The following TMPO variants were observed in gnomAD, a reference collection of about 807,000 sequenced individuals.
The protein encoded by TMPO is thymopoietin, also known as LEM domain containing 4.
Under a neutral mutation model 45.4 loss-of-function variants are expected in TMPO, and 22 were observed. The ratio of observed to expected loss-of-function variants is 0.48; its 90% CI spans 0.35 to 0.69. TMPO has a LOEUF of 0.69. Among genes scored for constraint, TMPO ranks in the 30% least tolerant of loss-of-function variants. The pLI is 0.01. For synonymous variants in TMPO, 241 were observed against 204.1 expected, an observed-to-expected ratio of 1.18 and a Z score of -1.54; for missense variants, 512 against 548.8, an observed-to-expected ratio of 0.93 and a Z score of 0.67.
intron 4 of TMPO, among the ~76,000 whole-genome samples, chr12:98,538,801 T>C (rs1877726941): frequency 6.6e-6 from 1 of 152,206 alleles, no homozygotes; most frequent in African/African-American, 2.4e-5. Context: ...ATACAGAGCA[T>C]TGAATGAATG....
chr12:98,546,391 A>G lies in TMPO; in HGVS notation c.1023A>G (p.Glu341=), dbSNP rs753802435. 6.2e-6 allele frequency: 10 copies of G among 1,612,850 alleles called. No homozygotes were observed. In the East Asian group the frequency reaches 2.0e-4, roughly 32 times the overall value. ...AAAAAACAGAGGAAAGAAGAGTAGA[A>G]AGGGATATTCTTAAGGAAATGTTCC... ...VGEKTEERRV[E]RDILKEMFPY... Residue 341 remains glutamate (E), a synonymous_variant, in exon 8 of 9, where the codon GAA becomes GAG. Transcript: ENST00000556029.
At chr12:98,516,855 G>C (rs1189038288) in intron 1 of TMPO, among the ~76,000 whole-genome samples, 1 of 152,134 alleles carries the variant, frequency 6.6e-6, no homozygotes, top group Admixed American at 6.5e-5. Flanking sequence ...TGTTGCCCAG[G>C]CTGGAGTGCA....
intron 2 of TMPO, 26 bp downstream of exon 2, chr12:98,528,038 G>A (rs770199508): frequency 5.6e-6 from 9 of 1,613,344 alleles, no homozygotes; most frequent in Non-Finnish European, 6.8e-6. Context: ...TTCAAATACA[G>A]TATCTTTTCT....
At chr12:98,537,447 G>A (rs774144511) in intron 3 of TMPO, 28 bp from the exon 4 acceptor site, 2 of 1,535,344 alleles carry the variant, frequency 1.3e-6, no homozygotes, top group Admixed American at 1.7e-5. Flanking sequence ...GTTTCAGAGA[G>A]TAATGGTTTC....
chr12:98,516,191 T>G, intron 1 of TMPO, 45 bp downstream of exon 1: 1 of 1,321,222 alleles, frequency 7.6e-7, no homozygotes, highest in Non-Finnish European at 9.6e-7. Flanking sequence ...GTTTGGCGGT[T>G]GCCGCGCGCG....
At chr12:98,526,397 G>A (rs948958888) in intron 1 of TMPO, among the ~76,000 whole-genome samples, 1 of 152,176 alleles carries the variant, frequency 6.6e-6, no homozygotes, top group African/African-American at 2.4e-5. Flanking sequence ...ATATAAAGTG[G>A]TGTAGTAACC....
At position 98,515,611 on chromosome 12, in the gene TMPO, G is replaced by T. The variant is rs893763366; in HGVS notation, c.-257G>T. Reference sequence around the variant, plus strand: ...GGGCGAAGCAGGCTGCTCGCCTCCTGCCTGTAGTGTGTGGGCTGGGGTTGG... The same window carrying T: ...GGGCGAAGCAGGCTGCTCGCCTCCTTCCTGTAGTGTGTGGGCTGGGGTTGG... On this transcript the variant is annotated 5_prime_UTR_variant, in exon 1 of 9. Transcript: ENST00000556029. 1.1e-5 allele frequency: 7 copies of T among 636,510 alleles called. No individual in the cohort carries two copies. The highest frequency in any genetic ancestry group is 3.9e-5 in the South Asian group (2 of 51,254). The allele number at this position is 636,510 out of a possible 1,614,324, so 39.4% of individuals were successfully genotyped here. A position where few individuals can be genotyped will look rare whatever the true frequency, so the allele number is the denominator to read the frequency against.
intron 1 of TMPO, among the ~76,000 whole-genome samples, chr12:98,520,121 G>A (rs1453377663): frequency 1.3e-5 from 2 of 150,668 alleles, no homozygotes; most frequent in East Asian, 2.0e-4. Flanking sequence ...CACTGCGCCC[G>A]GCTAATTTTT....
In TMPO at chr12:98,515,596, G is replaced by A; in HGVS notation, c.-272G>A. On this transcript the variant is annotated 5_prime_UTR_variant, in exon 1 of 9. Transcript: ENST00000556029. ...GCGTTCTTGGGGCGTGGGCGAAGCAGGCTGCTCGCCTCCTGCCTGTAGTGT... is the reference window on the plus strand; with the variant it reads ...GCGTTCTTGGGGCGTGGGCGAAGCAAGCTGCTCGCCTCCTGCCTGTAGTGT... 2 of 537,496 alleles carry A rather than the reference G, an allele frequency of 3.7e-6. No individual in the cohort carries two copies. Among genetic ancestry groups the A allele is most frequent in the South Asian group, 5.0e-5 (2 of 39,918 alleles). The allele number at this position is 537,496 out of a possible 1,614,324, so 33.3% of individuals were successfully genotyped here.
chr12:98,549,757 T>G lies in TMPO; in HGVS notation c.*1899T>G, dbSNP rs1159294579. ...GACCAGCACACAATTTTGATTTCAA[T>G]TAGCCTTATTCTAATATTTAGCTTT... On this transcript the variant is annotated 3_prime_UTR_variant, in exon 9 of 9. Coordinates refer to ENST00000556029, the MANE Select transcript of TMPO (RefSeq NM_001032283.3). The G allele has an allele frequency of 6.6e-6, 1 of 152,256 alleles. No individual in the cohort carries two copies. Among genetic ancestry groups the G allele is most frequent in the Non-Finnish European group, 1.5e-5 (1 of 68,040 alleles). 9.4% of individuals were successfully genotyped at this position (152,256 alleles called of 1,614,324 possible). A position where few individuals can be genotyped will look rare whatever the true frequency, so the allele number is the denominator to read the frequency against.
At chr12:98,545,767 C>T (rs1009239968) in intron 7 of TMPO, among the ~76,000 whole-genome samples, 1 of 151,510 alleles carries the variant, frequency 6.6e-6, no homozygotes, top group East Asian at 1.9e-4. Flanking sequence ...GAGTCTTGCT[C>T]TGTTGCCCAG....
intron 6 of TMPO, 82 bp downstream of exon 6, chr12:98,544,619 G>T (rs1437293401): frequency 1.1e-5 from 13 of 1,162,146 alleles, no homozygotes; most frequent in Admixed American, 4.6e-5. Context: ...GTGAATTTTG[G>T]CAAATCTCAA....
In TMPO at chr12:98,550,139, C is replaced by A. The variant is rs1233963525; in HGVS notation, c.*2281C>A. On this transcript the variant is annotated 3_prime_UTR_variant, in exon 9 of 9. Transcript: ENST00000556029. ...ATGGTCCAAATAGCAAAAATAGGACCAGGTGAAACATGTAGTCATTTTTTA... is the reference window on the plus strand; with the variant it reads ...ATGGTCCAAATAGCAAAAATAGGACAAGGTGAAACATGTAGTCATTTTTTA... 1.3e-5 allele frequency: 2 copies of A among 152,056 alleles called. No homozygotes were observed. Among genetic ancestry groups the A allele is most frequent in the Non-Finnish European group, 2.9e-5 (2 of 68,016 alleles). The allele number at this position is 152,056 out of a possible 1,614,324, so 9.4% of individuals were successfully genotyped here.
chr12:98,536,227 A>T (rs1462964662), intron 3 of TMPO, among the ~76,000 whole-genome samples: 1 of 152,232 alleles, frequency 6.6e-6, no homozygotes, highest in Admixed American at 6.5e-5. Flanking sequence ...GTTCATGTAA[A>T]ACTTTAGAAT....
chr12:98,519,659 C>T (rs1030374256), intron 1 of TMPO, among the ~76,000 whole-genome samples: 1 of 152,174 alleles, frequency 6.6e-6, no homozygotes, highest in Non-Finnish European at 1.5e-5. Context: ...GAGGTGTTTA[C>T]CCTTGACTGA....
At chr12:98,518,121 G>A (rs1876023206) in intron 1 of TMPO, among the ~76,000 whole-genome samples, 1 of 150,988 alleles carries the variant, frequency 6.6e-6, no homozygotes, top group Admixed American at 6.6e-5. Flanking sequence ...CTCCAGCCTG[G>A]GGGACAAGAG....
intron 1 of TMPO, among the ~76,000 whole-genome samples, chr12:98,517,329 T>C (rs908053354): frequency 2.0e-5 from 3 of 152,220 alleles, no homozygotes; most frequent in African/African-American, 7.2e-5. Context: ...TTTTTACCTG[T>C]GGATTTTAAT....
chr12:98,527,713 C>G (rs1876883562), intron 1 of TMPO, 173 bp from the exon 2 acceptor site: 3 of 668,408 alleles, frequency 4.5e-6, no homozygotes, highest in Non-Finnish European at 5.1e-6. Context: ...TACAGTTCAA[C>G]TTAGAAAGTG....
At chr12:98,544,869 A>G in intron 6 of TMPO, 82 bp from the exon 7 acceptor site, 1 of 1,148,894 alleles carries the variant, frequency 8.7e-7, no homozygotes, top group Non-Finnish European at 1.3e-6. Flanking sequence ...AATATTACAG[A>G]GATAAAATAT....
Sources: allele counts gnomAD v4.1 joint callset (sites outside exome capture counted in the v4.1 genomes callset), GRCh38; gene constraint gnomAD v4.1.1; transcripts MANE v1.5; gene names NCBI Gene and HGNC (gene_info 2026-07-23, HGNC 2026-07-21).